Variants in RIOX2 observed in about 807,000 individuals in gnomAD.
RIOX2 encodes ribosomal oxygenase 2.
Under a neutral mutation model 51.2 loss-of-function variants are expected in RIOX2, and 43 were observed. The observed-to-expected ratio is 0.84, with a 90% CI of 0.66 to 1.08. The LOEUF is 1.08. RIOX2 is among the 50% of genes least tolerant of loss of function. The pLI is 0.00. For synonymous variants in RIOX2, 226 were observed against 218.5 expected (o/e 1.03, Z -0.30); for missense variants, 566 against 561.7 (o/e 1.01, Z -0.08).
chr3:97,946,529 A>T (rs763286752), intron 8 of RIOX2, among the ~76,000 whole-genome samples: 1 of 148,838 alleles, frequency 6.7e-6, no homozygotes, highest in Non-Finnish European at 1.5e-5. Flanking sequence ...CTGACTGGTT[A>T]TCAGAATCAC....
At position 97,943,551 on chromosome 3, in the gene RIOX2, A is replaced by G; in HGVS notation, c.*1633T>C. On this transcript the variant is annotated 3_prime_UTR_variant, in exon 10 of 10. Transcript: ENST00000394198. ...TATTATGATATCTTGGAAAGGTTCTATTCCTGATCTCCAGCTGTGGTGAGC... is the reference window on the plus strand; with the variant it reads ...TATTATGATATCTTGGAAAGGTTCTGTTCCTGATCTCCAGCTGTGGTGAGC... The G allele has an allele frequency of 2.2e-6, 1 of 450,584 alleles. No homozygotes were observed. Among genetic ancestry groups the G allele is most frequent in the South Asian group, 2.9e-5 (1 of 34,314 alleles). The allele number at this position is 450,584 out of a possible 1,614,324, so 27.9% of individuals were successfully genotyped here.
chr3:97,960,342 A>G (rs1705628299), intron 3 of RIOX2, among the ~76,000 whole-genome samples: 1 of 152,240 alleles, frequency 6.6e-6, no homozygotes, highest in South Asian at 2.1e-4. Flanking sequence ...ACACAATATT[A>G]AAAATACTTT....
chr3:97,957,264 C>T (rs1322534539), intron 4 of RIOX2, among the ~76,000 whole-genome samples: 11 of 152,126 alleles, frequency 7.2e-5, no homozygotes, highest in East Asian at 5.8e-4. Context: ...TTTGGGAGGC[C>T]GAGGCAGGTG....
intron 7 of RIOX2, 123 bp from the exon 8 acceptor site, chr3:97,947,572 A>G (rs1045354881): frequency 1.8e-5 from 13 of 710,724 alleles, no homozygotes; most frequent in Admixed American, 4.6e-5. Context: ...CAAACATGGC[A>G]TACACTCCAA....
intron 4 of RIOX2, among the ~76,000 whole-genome samples, chr3:97,958,808 G>T (rs1705551555): frequency 6.6e-6 from 1 of 152,082 alleles, no homozygotes; most frequent in South Asian, 2.1e-4. Context: ...ATGAAAACAG[G>T]TTATTTGGGA....
intron 5 of RIOX2, among the ~76,000 whole-genome samples, chr3:97,952,889 G>T (rs1705302385): frequency 6.6e-6 from 1 of 152,050 alleles, no homozygotes; most frequent in Non-Finnish European, 1.5e-5. Context: ...ATACAAACTT[G>T]GGCCTTCTAC....
Position 97,949,883 on chromosome 3 carries a change from G to A in RIOX2, c.1021C>T (p.Pro341Ser). Residue 341 changes from proline (P) to serine (S), a missense_variant, in exon 7 of 10, where the codon CCT becomes TCT. Pro to Ser is a moderately conservative substitution (Grantham distance 74). Transcript: ENST00000394198. ...TCTGCCCCATCTCCCGCAGAGTAAG[G>A]GGGGAGTCTGTGCATAATAAAATCC... is the stretch of plus-strand genomic sequence containing the variant. ...KKDFIMHRLP[P>S]YSAGDGAELS... 2 of 1,613,800 alleles carry A rather than the reference G, an allele frequency of 1.2e-6. No individual in the cohort carries two copies. The highest frequency in any genetic ancestry group is 1.7e-6 in the Non-Finnish European group (2 of 1,179,924).
intron 8 of RIOX2, 53 bp from the exon 9 acceptor site, chr3:97,945,940 G>C: frequency 7.7e-7 from 1 of 1,305,202 alleles, no homozygotes; most frequent in Non-Finnish European, 1.1e-6. Context: ...CACTGAAGGT[G>C]TCAGTACTAG....
rs1553712244 is a variant in RIOX2 at position 97,946,604 on chromosome 3, A to ATATATCTATC, written c.1150-718_1150-717insGATAGATATA. On this transcript the variant is annotated intron_variant, in intron 8 of 9. Coordinates refer to ENST00000394198, the MANE Select transcript of RIOX2 (RefSeq NM_153182.4). ...TGAGGATGTATATATATATATATATATATCTATTCATGTATATTCATATAT... is the reference window on the plus strand; with the variant it reads ...TGAGGATGTATATATATATATATATATATATCTATCTATCTATTCATGTATATTCATATAT... Among the ~76,000 whole-genome samples the ATATATCTATC allele has an allele frequency of 1.5e-3, 206 of 139,720 alleles. 2 individuals carry two copies. The highest frequency in any genetic ancestry group is 4.1e-3 in the South Asian group (18 of 4,396). 91.7% of individuals were successfully genotyped at this position (139,720 alleles called of 152,430 possible). A position where few individuals can be genotyped will look rare whatever the true frequency, so the allele number is the denominator to read the frequency against.
intron 4 of RIOX2, among the ~76,000 whole-genome samples, chr3:97,956,746 C>A (rs374223728): frequency 6.6e-6 from 1 of 152,160 alleles, no homozygotes; most frequent in African/African-American, 2.4e-5. Context: ...CCACCTGCCT[C>A]GGCCTCCCAA....
At chr3:97,951,379 C>T (rs1009025118) in intron 5 of RIOX2, among the ~76,000 whole-genome samples, 7 of 152,182 alleles carry the variant, frequency 4.6e-5, no homozygotes, top group African/African-American at 1.4e-4. Context: ...TTCCTTGTCA[C>T]TTACAAGGGA....
At position 97,949,872 on chromosome 3, in the gene RIOX2, C is replaced by T. The variant is rs370932023; in HGVS notation, c.1032G>A (p.Ala344=). 78 of 1,613,600 alleles carry T rather than the reference C, an allele frequency of 4.8e-5. 1 individual carries two copies. Among genetic ancestry groups the T allele is most frequent in the Middle Eastern group, 1.7e-4 (1 of 6,004 alleles). Residue 344 remains alanine, a synonymous_variant, in exon 7 of 10, where the codon GCG becomes GCA. Coordinates refer to ENST00000394198, the MANE Select transcript of RIOX2 (RefSeq NM_153182.4). ...GTGTTGACAGCTCTGCCCCATCTCC[C>T]GCAGAGTAAGGGGGGAGTCTGTGCA... is the stretch of plus-strand genomic sequence containing the variant. ...FIMHRLPPYS[A]GDGAELSTPG...
rs183732884 is a variant in RIOX2 at position 97,948,407 on chromosome 3, T to C, written c.1061-958A>G. Among the ~76,000 whole-genome samples, 234 of 152,264 alleles carry C rather than the reference T, an allele frequency of 1.5e-3. 1 individual carries two copies. The highest frequency in any genetic ancestry group is 5.3e-3 in the African/African-American group (221 of 41,566). On this transcript the variant is annotated intron_variant, in intron 7 of 9. Coordinates refer to ENST00000394198, the MANE Select transcript of RIOX2 (RefSeq NM_153182.4). ...TGGCCTGGCACTCACAGCTAGGTCTTTGTGTTCTCCTGTTGAACACAGGCA... is the reference window on the plus strand; with the variant it reads ...TGGCCTGGCACTCACAGCTAGGTCTCTGTGTTCTCCTGTTGAACACAGGCA...
At chr3:97,950,066 C>G in intron 6 of RIOX2, 51 bp from the exon 7 acceptor site, 1 of 1,597,066 alleles carries the variant, frequency 6.3e-7, no homozygotes, top group Non-Finnish European at 8.6e-7. Flanking sequence ...AACTTACTGC[C>G]CAGCTCAGTC....
chr3:97,959,117 C>T lies in RIOX2; in HGVS notation c.615G>A (p.Leu205=). Residue 205 remains leucine (L), a synonymous_variant, in exon 4 of 10, where the codon CTG becomes CTA. Coordinates refer to ENST00000394198, the MANE Select transcript of RIOX2 (RefSeq NM_153182.4). The part of the protein sequence containing the change: ...HWRLYHPTVP[L]AREYSVEAEE... Reference sequence around the variant, plus strand: ...CGGCCTCCACGCTGTACTCTCGTGCCAGGGGCACAGTGGGGTGGTAGAGGC... The same window carrying T: ...CGGCCTCCACGCTGTACTCTCGTGCTAGGGGCACAGTGGGGTGGTAGAGGC... 3 of 1,614,014 alleles carry T rather than the reference C, an allele frequency of 1.9e-6. No homozygotes were observed. The highest frequency in any genetic ancestry group is 2.5e-6 in the Non-Finnish European group (3 of 1,179,960).
At chr3:97,954,085 C>T (rs1705366154) in intron 5 of RIOX2, 1 of 269,210 alleles carries the variant, frequency 3.7e-6, no homozygotes, top group Non-Finnish European at 7.1e-6. Flanking sequence ...AGTATGAGCC[C>T]AGCCTGGCAT....
At chr3:97,970,651 A>G (rs1262112422) in intron 1 of RIOX2, among the ~76,000 whole-genome samples, 2 of 152,208 alleles carry the variant, frequency 1.3e-5, no homozygotes, top group African/African-American at 4.8e-5. Flanking sequence ...GACCACCCCA[A>G]TAGGAGTAAA....
At chr3:97,957,724 C>G (rs925716496) in intron 4 of RIOX2, among the ~76,000 whole-genome samples, 20 of 152,234 alleles carry the variant, frequency 1.3e-4, no homozygotes, top group African/African-American at 4.6e-4. Context: ...AGGTCACCGG[C>G]CTGAGTAACT....
intron 4 of RIOX2, among the ~76,000 whole-genome samples, chr3:97,956,123 G>A (rs553615342): frequency 9.9e-5 from 15 of 152,270 alleles, no homozygotes; most frequent in East Asian, 3.9e-4. Flanking sequence ...TGAGTAATGC[G>A]TAGCACTACA....
Sources: allele counts gnomAD v4.1 joint callset (sites outside exome capture counted in the v4.1 genomes callset), GRCh38; gene constraint gnomAD v4.1.1; transcripts MANE v1.5; gene names NCBI Gene and HGNC (gene_info 2026-07-23, HGNC 2026-07-21).